Variants in L3MBTL4 observed in about 807,000 individuals in gnomAD.
L3MBTL4 encodes the protein L3MBTL histone methyl-lysine binding protein 4.
A neutral mutation model predicts 84.5 loss-of-function variants in L3MBTL4; 70 were observed. The observed-to-expected ratio is 0.83, with a 90% confidence interval of 0.68 to 1.01. The LOEUF is 1.01. Among genes scored for constraint, L3MBTL4 ranks in the 50% least tolerant of loss-of-function variants. The pLI, the probability that L3MBTL4 is intolerant of heterozygous loss-of-function variation, is 0.00. For synonymous variants in L3MBTL4, 274 were observed against 259.8 expected (o/e 1.05, Z -0.52); for missense variants, 715 against 754.8 (o/e 0.95, Z 0.62).
intron 14 of L3MBTL4, among the ~76,000 whole-genome samples, chr18:6,121,613 G>C (rs917587245): frequency 6.6e-6 from 1 of 150,634 alleles, no homozygotes; most frequent in African/African-American, 2.5e-5. Flanking sequence ...CACACCAAAG[G>C]GGAAGCAGAC....
At position 6,171,845 on chromosome 18, in the gene L3MBTL4, G is replaced by A. The variant is rs1188492706; in HGVS notation, c.1079C>T (p.Pro360Leu). ...GTACTCACGCTGTGGCACTTCCAGT[G>A]GATGCCCTGTGACATCACACCATCC... Reference protein sequence around the residue: ...PIGWCDVTGHPLEVPQRTNDL... With the variant: ...PIGWCDVTGHLLEVPQRTNDL... Residue 360 changes from proline (P) to leucine (L), a missense_variant, in exon 13 of 19, where the codon CCA becomes CTA. By Grantham distance (98) the Pro-to-Leu change is moderately conservative. Coordinates refer to ENST00000317931, the MANE Select transcript of L3MBTL4 (RefSeq NM_001330559.2). 6.5e-7 allele frequency: 1 copy of A among 1,547,766 alleles called. No individual in the cohort carries two copies. The highest frequency in any genetic ancestry group is 2.0e-5 in the Admixed American group (1 of 50,634).
intron 1 of L3MBTL4, among the ~76,000 whole-genome samples, chr18:6,342,464 T>C (rs1208358479): frequency 1.3e-5 from 2 of 152,184 alleles, no homozygotes; most frequent in African/African-American, 4.8e-5. Context: ...AGTAAATGTA[T>C]TGAGTTTTTT....
At chr18:6,401,295 C>T (rs1450504830) in intron 1 of L3MBTL4, among the ~76,000 whole-genome samples, 1 of 152,032 alleles carries the variant, frequency 6.6e-6, no homozygotes, top group African/African-American at 2.4e-5. Context: ...TTATAAGCAC[C>T]GTTTATAGAT....
intron 5 of L3MBTL4, chr18:6,256,938 G>C (rs993996113): frequency 6.6e-6 from 1 of 152,434 alleles, no homozygotes; most frequent in African/African-American, 2.4e-5. Context: ...ATAAACAGGG[G>C]GTCGGTGGTC....
chr18:5,965,269 T>C (rs572829126), intron 17 of L3MBTL4, among the ~76,000 whole-genome samples: 132 of 152,360 alleles, frequency 8.7e-4, no homozygotes, highest in African/African-American at 2.9e-3. Context: ...CTCACAGCTC[T>C]GTGGAGTGTT....
intron 16 of L3MBTL4, among the ~76,000 whole-genome samples, chr18:6,045,423 C>T (rs1406533949): frequency 1.3e-5 from 2 of 152,068 alleles, no homozygotes; most frequent in African/African-American, 2.4e-5. Flanking sequence ...TAAGGACATA[C>T]CTGAGACTGG....
chr18:6,076,625 G>T (rs773360841), intron 16 of L3MBTL4, among the ~76,000 whole-genome samples: 4 of 151,978 alleles, frequency 2.6e-5, no homozygotes, highest in Non-Finnish European at 5.9e-5. Flanking sequence ...AATAAGTGAG[G>T]GAGGAAAAGC....
intron 14 of L3MBTL4, among the ~76,000 whole-genome samples, chr18:6,106,516 A>C (rs997212255): frequency 1.3e-5 from 2 of 152,208 alleles, no homozygotes; most frequent in Admixed American, 1.3e-4. Flanking sequence ...CATTCTCTGC[A>C]TGGGATGAAC....
At chr18:6,057,274 A>G (rs2057059005) in intron 16 of L3MBTL4, among the ~76,000 whole-genome samples, 1 of 152,176 alleles carries the variant, frequency 6.6e-6, no homozygotes, top group Non-Finnish European at 1.5e-5. Flanking sequence ...GGTGATCGTG[A>G]TCTGCCTGCC....
chr18:5,993,750 A>G (rs1300870579), intron 16 of L3MBTL4, among the ~76,000 whole-genome samples: 2 of 152,184 alleles, frequency 1.3e-5, no homozygotes, highest in East Asian at 1.9e-4. Flanking sequence ...TAATGAAAAA[A>G]TTGAATTGTG....
At chr18:6,309,950 C>T (rs1433512736) in intron 3 of L3MBTL4, among the ~76,000 whole-genome samples, 1 of 152,186 alleles carries the variant, frequency 6.6e-6, no homozygotes, top group Non-Finnish European at 1.5e-5. Flanking sequence ...GACAATGGTT[C>T]TCAAACATGA....
Position 5,983,498 on chromosome 18 carries a change from G to A in L3MBTL4, c.1445-13936C>T, listed in dbSNP as rs565763215. 4.0e-5 allele frequency among the ~76,000 whole-genome samples: 6 copies of A among 151,410 alleles called. No individual in the cohort carries two copies. The South Asian group carries it at 1.2e-3, about 32-fold the overall frequency. ...GCTAACGTGTGTGTTTGTGTGGGTG[G>A]GGATTAAAAAAAAAACAGTGTTAGG... is the stretch of plus-strand genomic sequence containing the variant. On this transcript the variant is annotated intron_variant, in intron 16 of 18. Transcript: ENST00000317931.
chr18:5,997,186 A>G (rs2054013282), intron 16 of L3MBTL4, among the ~76,000 whole-genome samples: 1 of 150,838 alleles, frequency 6.6e-6, no homozygotes, highest in African/African-American at 2.5e-5. Context: ...GATGATTTTA[A>G]GTATGTGAAA....
chr18:6,068,020 T>A (rs1373395664), intron 16 of L3MBTL4, among the ~76,000 whole-genome samples: 1 of 152,214 alleles, frequency 6.6e-6, no homozygotes, highest in African/African-American at 2.4e-5. Context: ...TTATCATTTA[T>A]TATAGCCTAA....
intron 1 of L3MBTL4, among the ~76,000 whole-genome samples, chr18:6,361,199 C>T (rs2053679203): frequency 6.6e-6 from 1 of 152,040 alleles, no homozygotes; most frequent in East Asian, 1.9e-4. Flanking sequence ...GAGTCCCACC[C>T]CCATTAAGAG....
chr18:6,275,635 T>C (rs1386391953), intron 4 of L3MBTL4, among the ~76,000 whole-genome samples: 1 of 152,182 alleles, frequency 6.6e-6, no homozygotes, highest in Non-Finnish European at 1.5e-5. Flanking sequence ...TGTGGAAACA[T>C]GCACTAAAAT....
intron 3 of L3MBTL4, among the ~76,000 whole-genome samples, chr18:6,309,690 A>G (rs1251578125): frequency 6.6e-6 from 1 of 152,232 alleles, no homozygotes; most frequent in Non-Finnish European, 1.5e-5. Flanking sequence ...GGTCTTTAAG[A>G]GGAAATTGGG....
In L3MBTL4 at chr18:6,322,146, T is replaced by C. The variant is rs531407681; in HGVS notation, c.-90-10090A>G. On this transcript the variant is annotated intron_variant, in intron 1 of 18. Coordinates refer to ENST00000317931, the MANE Select transcript of L3MBTL4 (RefSeq NM_001330559.2). The stretch of plus-strand genomic sequence containing the variant: ...CACAGGCAGGAGAACTGCTTGAACC[T>C]AGCAGTTCAAGACCAGCGTGGGCAA... Among the ~76,000 whole-genome samples the C allele has an allele frequency of 5.9e-5, 9 of 152,070 alleles. No homozygotes were observed. The South Asian group carries it at 1.9e-3, about 32-fold the overall frequency.
intron 1 of L3MBTL4, among the ~76,000 whole-genome samples, chr18:6,314,482 T>C (rs1189605383): frequency 3.3e-5 from 5 of 152,178 alleles, no homozygotes; most frequent in African/African-American, 9.7e-5. Flanking sequence ...CCACCTACCA[T>C]AGACAACGTG....
Sources: allele counts gnomAD v4.1 joint callset (sites outside exome capture counted in the v4.1 genomes callset), GRCh38; gene constraint gnomAD v4.1.1; transcripts MANE v1.5; gene names NCBI Gene and HGNC (gene_info 2026-07-23, HGNC 2026-07-21).